The following ITGA9 variants were observed in gnomAD, a reference collection of about 807,000 sequenced individuals.
The protein encoded by ITGA9 is integrin alpha-9.
ITGA9 carries 56 observed loss-of-function variants against 127.8 expected under a neutral mutation model. The observed-to-expected ratio is 0.44, with a 90% CI of 0.35 to 0.55. The LOEUF (loss-of-function observed/expected upper bound fraction) is 0.55, where lower values mean the gene tolerates loss of function less well. ITGA9 is among the 20% of genes least tolerant of loss of function. ITGA9 has a pLI of 0.00. For missense variants in ITGA9, 1,196 were observed against 1,347.1 expected (o/e 0.89, Z 1.76); for synonymous variants, 508 against 514.5 (o/e 0.99, Z 0.17).
In ITGA9 at chr3:37,814,392, C is replaced by T. The variant is rs1465523636; in HGVS notation, c.3010-4499C>T. ...ATCAGCCTGGCCAACATGGTGAAAC[C>T]CCATCTCTACCAAAATATAAAAATT... On this transcript the variant is annotated intron_variant, in intron 27 of 27. Coordinates refer to ENST00000264741, the MANE Select transcript of ITGA9 (RefSeq NM_002207.3). This position sits in a 1 kb window ranked among gnomAD's most constrained non-coding sequence, Gnocchi z 4.3. Among the ~76,000 whole-genome samples the T allele has an allele frequency of 6.6e-6, 1 of 152,094 alleles. No individual in the cohort carries two copies. The highest frequency in any genetic ancestry group is 6.5e-5 in the Admixed American group (1 of 15,270).
chr3:37,560,097 C>T (rs893262411), intron 15 of ITGA9, among the ~76,000 whole-genome samples: 5 of 151,768 alleles, frequency 3.3e-5, no homozygotes, highest in Admixed American at 2.0e-4. Context: ...GCTATCCCTC[C>T]CCCAGCCCGC....
intron 13 of ITGA9, among the ~76,000 whole-genome samples, chr3:37,531,623 C>T (rs1699153112): frequency 6.6e-6 from 1 of 152,116 alleles, no homozygotes; most frequent in South Asian, 2.1e-4. Flanking sequence ...TGTACCATGA[C>T]CAGGCGCGTC....
intron 15 of ITGA9, among the ~76,000 whole-genome samples, chr3:37,572,107 G>A (rs1699607751): frequency 6.6e-6 from 1 of 151,960 alleles, no homozygotes; most frequent in East Asian, 1.9e-4. Flanking sequence ...CCACCTCCTG[G>A]ATCCTGCCCT....
intron 12 of ITGA9, 70 bp from the exon 13 acceptor site, chr3:37,525,956 C>A: frequency 1.5e-6 from 2 of 1,292,092 alleles, no homozygotes; most frequent in Non-Finnish European, 2.3e-6. Context: ...TCCTTGTGAG[C>A]GCATTCCCAG....
At chr3:37,686,640 G>C (rs896239042) in intron 18 of ITGA9, among the ~76,000 whole-genome samples, 2 of 152,156 alleles carry the variant, frequency 1.3e-5, no homozygotes, top group African/African-American at 4.8e-5. Context: ...GGAACCCTAG[G>C]TTTCAGTTCG....
chr3:37,795,908 T>C (rs1697167138), intron 26 of ITGA9, among the ~76,000 whole-genome samples: 1 of 152,246 alleles, frequency 6.6e-6, no homozygotes, highest in South Asian at 2.1e-4. Context: ...CCTAGATTCA[T>C]TTTGCAGTGT....
chr3:37,467,144 T>C (rs1263956528), intron 1 of ITGA9, among the ~76,000 whole-genome samples: 1 of 152,166 alleles, frequency 6.6e-6, no homozygotes, highest in African/African-American at 2.4e-5. Context: ...AGCCACGATG[T>C]TCTGTAAACA....
chr3:37,484,167 A>G (rs1266654101), intron 4 of ITGA9, among the ~76,000 whole-genome samples: 2 of 152,142 alleles, frequency 1.3e-5, no homozygotes, highest in African/African-American at 4.8e-5. Flanking sequence ...TAACCCATTC[A>G]TTGGCCCAGG....
chr3:37,511,607 A>G (rs561707854), intron 8 of ITGA9, among the ~76,000 whole-genome samples: 5 of 152,188 alleles, frequency 3.3e-5, no homozygotes, highest in Non-Finnish European at 5.9e-5. Context: ...CAAAGCTCAG[A>G]TGGGGAGATT....
At chr3:37,509,714 C>G (rs540208234) in intron 8 of ITGA9, among the ~76,000 whole-genome samples, 1 of 152,138 alleles carries the variant, frequency 6.6e-6, no homozygotes, top group Admixed American at 6.5e-5. Context: ...TCTGCCTTCC[C>G]GAGAACTCTG....
chr3:37,698,454 G>A (rs1239957579), intron 18 of ITGA9, among the ~76,000 whole-genome samples: 2 of 152,140 alleles, frequency 1.3e-5, no homozygotes, highest in South Asian at 2.1e-4. Context: ...TTCTTCTAGG[G>A]TTTTTATGGT....
chr3:37,799,272 G>A lies in ITGA9; in HGVS notation c.2890-4551G>A, dbSNP rs1028654313. Among the ~76,000 whole-genome samples, 12 of 151,930 alleles carry A rather than the reference G, an allele frequency of 7.9e-5. No individual in the cohort carries two copies. The highest frequency in any genetic ancestry group is 1.7e-4 in the African/African-American group (7 of 41,354). On this transcript the variant is annotated intron_variant, in intron 26 of 27. Coordinates refer to ENST00000264741, the MANE Select transcript of ITGA9 (RefSeq NM_002207.3). The surrounding 1 kb of genome is among the most constrained non-coding windows in gnomAD (Gnocchi z 4.0). ...TGACTCACTGCAGCCTCCACCTCCC[G>A]GGCTCAAGTGATTCTCCTGCCTCAG...
chr3:37,574,325 T>C (rs1699631838), intron 15 of ITGA9, among the ~76,000 whole-genome samples: 1 of 152,242 alleles, frequency 6.6e-6, no homozygotes, highest in Non-Finnish European at 1.5e-5. Flanking sequence ...CGTCCAACTT[T>C]AAATAATGGT....
intron 1 of ITGA9, among the ~76,000 whole-genome samples, chr3:37,463,372 C>G (rs1447413029): frequency 6.6e-6 from 1 of 152,192 alleles, no homozygotes; most frequent in Non-Finnish European, 1.5e-5. Flanking sequence ...CTTCTGTTCT[C>G]TCCAGGACTC....
chr3:37,794,482 G>GTTGGC (rs1229520866), intron 26 of ITGA9, among the ~76,000 whole-genome samples: 4 of 152,234 alleles, frequency 2.6e-5, no homozygotes, highest in African/African-American at 9.6e-5. Context: ...TTGGTGGTCA[G>GTTGGC]TTGGCTTTGG....
In ITGA9 at chr3:37,452,282, C is replaced by T. The variant is rs1159000262; in HGVS notation, c.-93C>T. 2 of 688,622 alleles carry T rather than the reference C, an allele frequency of 2.9e-6. No individual in the cohort carries two copies. The highest frequency in any genetic ancestry group is 6.4e-5 in the South Asian group (1 of 15,508). 42.7% of individuals were successfully genotyped at this position (688,622 alleles called of 1,614,324 possible). ...CCGTGTCCAGGCGCAGAGCTCCCGC[C>T]CCGGGGAGCTTCCTGGCCGTCGGCG... On this transcript the variant is annotated 5_prime_UTR_variant, in exon 1 of 28. Transcript: ENST00000264741. This position sits in a 1 kb window ranked among gnomAD's most constrained non-coding sequence, Gnocchi z 7.3.
intron 4 of ITGA9, among the ~76,000 whole-genome samples, chr3:37,492,070 T>C (rs1410097371): frequency 6.6e-6 from 1 of 152,200 alleles, no homozygotes; most frequent in Admixed American, 6.5e-5. Flanking sequence ...CCAAAGTGTG[T>C]GTGGCAGGGA....
At chr3:37,465,552 G>C (rs1341815281) in intron 1 of ITGA9, among the ~76,000 whole-genome samples, 1 of 152,188 alleles carries the variant, frequency 6.6e-6, no homozygotes, top group Non-Finnish European at 1.5e-5. Flanking sequence ...GAGCAAGAAA[G>C]CACCCTTGTG....
chr3:37,514,575 G>A (rs984663381), intron 9 of ITGA9, among the ~76,000 whole-genome samples: 2 of 152,114 alleles, frequency 1.3e-5, no homozygotes, highest in African/African-American at 2.4e-5. Flanking sequence ...CTTTTTGTTC[G>A]TTTGTTTGTT....
Sources: allele counts gnomAD v4.1 joint callset (sites outside exome capture counted in the v4.1 genomes callset), GRCh38; gene constraint gnomAD v4.1.1; non-coding constraint Gnocchi (gnomAD v3.1); transcripts MANE v1.5; gene names NCBI Gene and HGNC (gene_info 2026-07-23, HGNC 2026-07-21).